Variants in MYLK4 observed in about 807,000 individuals in gnomAD.
MYLK4 encodes caMLCK like.
A neutral mutation model predicts 48.1 loss-of-function variants in MYLK4; 46 were observed. That is an observed-to-expected ratio of 0.96 (90% CI 0.75 to 1.22). MYLK4 has a LOEUF of 1.22. Ranked by LOEUF, MYLK4 falls within the 50% of genes most tolerant of loss-of-function variation. MYLK4 has a pLI of 0.00. For synonymous variants in MYLK4, 170 were observed against 180.8 expected (o/e 0.94, Z 0.48); for missense variants, 451 against 486.1 (o/e 0.93, Z 0.68).
intron 7 of MYLK4, among the ~76,000 whole-genome samples, chr6:2,680,802 T>A (rs767754703): frequency 1.1e-4 from 17 of 152,220 alleles, no homozygotes; most frequent in South Asian, 4.1e-4. Flanking sequence ...TATGGGAAAG[T>A]CGCACGGCAG....
chr6:2,703,203 C>T (rs1288628590), intron 2 of MYLK4, among the ~76,000 whole-genome samples: 2 of 152,130 alleles, frequency 1.3e-5, no homozygotes, highest in African/African-American at 4.8e-5. Context: ...ACGTGAGCAA[C>T]TGTGGACTCC....
chr6:2,764,014 T>G, the MYLK4 span, among the ~76,000 whole-genome samples: 1 of 152,092 alleles, frequency 6.6e-6, no homozygotes, highest in Non-Finnish European at 1.5e-5. Context: ...CGCCCGTAAT[T>G]CCAGCTACTC....
intron 2 of MYLK4, among the ~76,000 whole-genome samples, chr6:2,716,016 T>C (rs1026007710): frequency 9.6e-5 from 2 of 20,858 alleles, no homozygotes; most frequent in African/African-American, 1.3e-4. Context: ...AGCTCTCTGC[T>C]GCCTATTTTT....
the MYLK4 span, among the ~76,000 whole-genome samples, chr6:2,767,744 C>G: frequency 6.6e-6 from 1 of 152,176 alleles, no homozygotes; most frequent in South Asian, 2.1e-4. Flanking sequence ...CTTAGGGAGA[C>G]GAGTGGGTGA....
chr6:2,733,087 C>T (rs1454087202), intron 2 of MYLK4, among the ~76,000 whole-genome samples: 1 of 152,204 alleles, frequency 6.6e-6, no homozygotes, highest in Non-Finnish European at 1.5e-5. Context: ...CTTCTTTAAA[C>T]TGTCAAATTA....
chr6:2,721,291 T>A (rs1224631620), intron 2 of MYLK4, among the ~76,000 whole-genome samples: 1 of 152,212 alleles, frequency 6.6e-6, no homozygotes, highest in Non-Finnish European at 1.5e-5. Flanking sequence ...ATACAAAGCC[T>A]ACCACTGTGA....
chr6:2,673,791 A>C lies in MYLK4; in HGVS notation c.1119+1256T>G, dbSNP rs532168221. On this transcript the variant is annotated intron_variant, in intron 11 of 12. Transcript: ENST00000274643. This position sits in a 1 kb window ranked among gnomAD's most constrained non-coding sequence, Gnocchi z 4.2. ...GCAGAGAAGCCAGTTAGGAGGCTGC[A>C]GTCACTCAGGGGAGGCATGTCCCAG... Among the ~76,000 whole-genome samples the C allele has an allele frequency of 6.6e-6, 1 of 152,354 alleles. No homozygotes were observed. The highest frequency in any genetic ancestry group is 1.5e-5 in the Non-Finnish European group (1 of 68,030).
At chr6:2,686,459 C>T (rs759180796) in intron 4 of MYLK4, among the ~76,000 whole-genome samples, 4 of 152,250 alleles carry the variant, frequency 2.6e-5, no homozygotes, top group East Asian at 3.8e-4. Context: ...TAATCACATA[C>T]AGATGTGCAC....
intron 2 of MYLK4, among the ~76,000 whole-genome samples, chr6:2,735,801 A>G (rs1442114524): frequency 6.6e-6 from 1 of 152,230 alleles, no homozygotes; most frequent in East Asian, 1.9e-4. Flanking sequence ...AAGGCATAGA[A>G]GAGGAGAGAG....
At position 2,688,887 on chromosome 6, in the gene MYLK4, C is replaced by T; in HGVS notation, c.305G>A (p.Ser102Asn). The change falls in exon 4 of 13, where the codon AGC becomes AAC. Residue 102 changes from serine (S) to asparagine (N), a missense_variant. Physicochemically the swap from Ser to Asn is conservative, Grantham distance 46. Transcript: ENST00000274643. ...IVTAKQGAVN[S>N]FYTVSKTEIL... is the part of the protein sequence containing the mutation. ...TTCTGTCTTGCTCACAGTATAGAAG[C>T]TGTTGACCGCTCCTTGCTTGGCTGT... 1 of 1,614,216 alleles carries T rather than the reference C, an allele frequency of 6.2e-7. No homozygotes were observed. Among genetic ancestry groups the T allele is most frequent in the Non-Finnish European group, 8.5e-7 (1 of 1,180,024 alleles).
chr6:2,702,565 G>T (rs926299335), intron 2 of MYLK4, among the ~76,000 whole-genome samples: 10 of 152,172 alleles, frequency 6.6e-5, no homozygotes, highest in African/African-American at 2.4e-4. Context: ...ATAAGTTTTA[G>T]TGAACTATTG....
intron 2 of MYLK4, among the ~76,000 whole-genome samples, chr6:2,735,387 G>GAA (rs11385229): frequency 7.9e-5 from 12 of 152,220 alleles, no homozygotes; most frequent in Admixed American, 2.0e-4. Flanking sequence ...AAGCTCTTGG[G>GAA]AAAAATATAC....
At chr6:2,730,645 C>T (rs1014924210) in intron 2 of MYLK4, among the ~76,000 whole-genome samples, 4 of 152,078 alleles carry the variant, frequency 2.6e-5, no homozygotes, top group African/African-American at 9.7e-5. Flanking sequence ...ATGGCCTGTG[C>T]TATTTAATAC....
chr6:2,724,443 C>T (rs1332039506), intron 2 of MYLK4, among the ~76,000 whole-genome samples: 1 of 152,090 alleles, frequency 6.6e-6, no homozygotes, highest in Non-Finnish European at 1.5e-5. Flanking sequence ...ATCACTAACG[C>T]AGGGGGAAAG....
chr6:2,759,461 A>C, the MYLK4 span, among the ~76,000 whole-genome samples: 8 of 152,228 alleles, frequency 5.3e-5, 1 homozygote, highest in South Asian at 6.2e-4. Flanking sequence ...CATGAAGTAC[A>C]TATTTATGTT....
chr6:2,744,422 C>A (rs1363978036), intron 2 of MYLK4, among the ~76,000 whole-genome samples: 1 of 152,230 alleles, frequency 6.6e-6, no homozygotes, highest in African/African-American at 2.4e-5. Context: ...CCTGCCCTTA[C>A]AGGGTGAGGA....
chr6:2,715,935 C>T (rs578065587), intron 2 of MYLK4, among the ~76,000 whole-genome samples: 6 of 152,330 alleles, frequency 3.9e-5, no homozygotes, highest in Admixed American at 2.0e-4. Context: ...CACGGTTCCT[C>T]GTGCACTGCC....
intron 2 of MYLK4, among the ~76,000 whole-genome samples, chr6:2,742,062 TATA>T (rs1196890321): frequency 6.6e-6 from 1 of 151,500 alleles, no homozygotes; most frequent in African/African-American, 2.4e-5. Flanking sequence ...TAAAGAGAAT[TATA>T]ATGTTTTATG....
intron 2 of MYLK4, among the ~76,000 whole-genome samples, chr6:2,748,299 A>G (rs1289730154): frequency 6.6e-6 from 1 of 152,236 alleles, no homozygotes; most frequent in East Asian, 1.9e-4. Flanking sequence ...TGAACAAATA[A>G]CACGAGGTTT....
Sources: allele counts gnomAD v4.1 joint callset (sites outside exome capture counted in the v4.1 genomes callset), GRCh38; gene constraint gnomAD v4.1.1; non-coding constraint Gnocchi (gnomAD v3.1); transcripts MANE v1.5; gene names NCBI Gene and HGNC (gene_info 2026-07-23, HGNC 2026-07-21).